MTOR: variants seen among roughly 807,000 people sequenced by gnomAD.
The protein encoded by MTOR is serine/threonine-protein kinase mTOR.
A neutral mutation model predicts 319.8 loss-of-function variants in MTOR; 70 were observed. That is an observed-to-expected ratio of 0.22 (90% CI 0.18 to 0.27). The LOEUF (loss-of-function observed/expected upper bound fraction) is 0.27. Among genes scored for constraint, MTOR ranks in the 10% least tolerant of loss-of-function variants. The pLI, the probability that MTOR is intolerant of heterozygous loss-of-function variation, is 1.00. For missense variants in MTOR, 1,890 were observed against 3,274.4 expected (o/e 0.58, Z 10.32); for synonymous variants, 1,183 against 1,211.4 (o/e 0.98, Z 0.49).
At chr1:11,217,570 T>TA (rs1377455660) in intron 19 of MTOR, among the ~76,000 whole-genome samples, 1 of 150,988 alleles carries the variant, frequency 6.6e-6, no homozygotes, top group African/African-American at 2.4e-5. Context: ...CCGGCTAATT[T>TA]TTTTTTTTTT....
chr1:11,170,809 C>T (rs2100624489), intron 28 of MTOR, among the ~76,000 whole-genome samples: 1 of 151,340 alleles, frequency 6.6e-6, no homozygotes, highest in South Asian at 2.1e-4. Flanking sequence ...GCCTCAGCCT[C>T]TGGAGTAGCT....
chr1:11,139,196 A>G lies in MTOR; in HGVS notation c.5130+108T>C. 3 of 1,403,312 alleles carry G rather than the reference A, an allele frequency of 2.1e-6. 1 individual carries two copies. In the South Asian group the frequency reaches 4.3e-5, roughly 20 times the overall value. 86.9% of individuals were successfully genotyped at this position (1,403,312 alleles called of 1,614,324 possible). A position where few individuals can be genotyped will look rare whatever the true frequency, so the allele number is the denominator to read the frequency against. ...GAAGAGACTCCCTGACATTGTGAGTAGGTGGTTTAAACACTGTTTCTTTTC... is the reference window on the plus strand; with the variant it reads ...GAAGAGACTCCCTGACATTGTGAGTGGGTGGTTTAAACACTGTTTCTTTTC... On this transcript the variant is annotated intron_variant, in intron 36 of 57. Transcript: ENST00000361445.
chr1:11,182,066 A>G (rs912386187), intron 28 of MTOR, among the ~76,000 whole-genome samples: 1 of 152,082 alleles, frequency 6.6e-6, no homozygotes, highest in Non-Finnish European at 1.5e-5. Context: ...AAAAATACAA[A>G]ATTAGCAAGG....
At chr1:11,185,227 G>A (rs1178429166) in intron 28 of MTOR, among the ~76,000 whole-genome samples, 3 of 151,252 alleles carry the variant, frequency 2.0e-5, no homozygotes, top group Non-Finnish European at 4.4e-5. Flanking sequence ...GAGCTATAAA[G>A]TCCTGACAGA....
intron 26 of MTOR, among the ~76,000 whole-genome samples, chr1:11,203,082 G>A (rs928396369): frequency 2.6e-5 from 4 of 151,642 alleles, no homozygotes; most frequent in East Asian, 3.9e-4. Flanking sequence ...GCGTGGTGGC[G>A]TGTGCCTGTA....
At chr1:11,220,305 A>T (rs1053177967) in intron 19 of MTOR, among the ~76,000 whole-genome samples, 1 of 152,184 alleles carries the variant, frequency 6.6e-6, no homozygotes, top group Non-Finnish European at 1.5e-5. Flanking sequence ...CAACGGCAAC[A>T]AAAAGAAGTC....
At chr1:11,114,781 T>G in intron 52 of MTOR, 32 bp downstream of exon 52, 3 of 1,603,868 alleles carry the variant, frequency 1.9e-6, no homozygotes, top group Non-Finnish European at 2.6e-6. Context: ...CTGATCCCAT[T>G]TGGAAGCAGC....
chr1:11,205,836 G>A (rs1434906031), intron 25 of MTOR, among the ~76,000 whole-genome samples: 4 of 152,178 alleles, frequency 2.6e-5, no homozygotes, highest in Non-Finnish European at 4.4e-5. Flanking sequence ...CTAAATGGGG[G>A]AAATCATGTA....
chr1:11,234,021 C>T (rs760191523), intron 14 of MTOR, 122 bp downstream of exon 14: 84 of 1,421,618 alleles, frequency 5.9e-5, no homozygotes, highest in Non-Finnish European at 7.7e-5. Context: ...GGTCTCCAAG[C>T]GTGAGAGCAA....
chr1:11,164,334 G>GAAAAA (rs547043272), intron 29 of MTOR, among the ~76,000 whole-genome samples: 2 of 60,164 alleles, frequency 3.3e-5, no homozygotes, highest in Admixed American at 2.0e-4. Flanking sequence ...GACTCTGCCT[G>GAAAAA]AAAAAAAAAA....
intron 34 of MTOR, among the ~76,000 whole-genome samples, chr1:11,143,685 C>T (rs1033741885): frequency 5.9e-5 from 9 of 152,108 alleles, no homozygotes; most frequent in Admixed American, 2.0e-4. Flanking sequence ...AAGGTTTTGT[C>T]GCAGCCTACT....
chr1:11,172,237 T>C (rs1644838031), intron 28 of MTOR, among the ~76,000 whole-genome samples: 1 of 152,096 alleles, frequency 6.6e-6, no homozygotes. Context: ...AAGCTCTTAT[T>C]GAGCAGTAAG....
chr1:11,211,569 A>G (rs961560796), intron 23 of MTOR, among the ~76,000 whole-genome samples: 2 of 152,026 alleles, frequency 1.3e-5, no homozygotes, highest in African/African-American at 4.8e-5. Context: ...GGGTCTTGCT[A>G]TGTCTGGAGT....
chr1:11,167,631 T>A, intron 28 of MTOR, 114 bp from the exon 29 acceptor site: 1 of 767,186 alleles, frequency 1.3e-6, no homozygotes, highest in Non-Finnish European at 2.3e-6. Flanking sequence ...GTCTTGCAGA[T>A]GCTGAAAGAG....
chr1:11,213,785 T>C (rs1353157405), intron 20 of MTOR, among the ~76,000 whole-genome samples: 1 of 152,170 alleles, frequency 6.6e-6, no homozygotes, highest in African/African-American at 2.4e-5. Context: ...CCAGGCTACC[T>C]CAGTCCTCTG....
At chr1:11,193,470 T>A in intron 28 of MTOR, 6 of 936,406 alleles carry the variant, frequency 6.4e-6, no homozygotes, top group Non-Finnish European at 9.4e-6. Context: ...ACTGCGGGAG[T>A]GCACACATCT....
rs1465227849 is a variant in MTOR at position 11,199,478 on chromosome 1, T to C, written c.4107+63A>G. 3 of 1,613,442 alleles carry C rather than the reference T, an allele frequency of 1.9e-6. No homozygotes were observed. The highest frequency in any genetic ancestry group is 2.7e-5 in the African/African-American group (2 of 74,898). ...AAACAAGAGAAGGCTGTGTGGATGC[T>C]TCTCTCCTCCCACCAGCTGGTTCCC... On this transcript the variant is annotated intron_variant, in intron 27 of 57. Transcript: ENST00000361445. This position sits in a 1 kb window ranked among gnomAD's most constrained non-coding sequence, Gnocchi z 4.5.
rs186261492 is a variant in MTOR at position 11,106,870 on chromosome 1, G to A, written c.*615C>T. 2.9e-4 allele frequency: 396 copies of A among 1,344,108 alleles called. 1 individual carries two copies. The East Asian group carries it at 5.4e-3, about 18-fold the overall frequency. 83.3% of individuals were successfully genotyped at this position (1,344,108 alleles called of 1,614,324 possible). The stretch of plus-strand genomic sequence containing the variant: ...GATCTGAATAAACCTCCCTACTAGC[G>A]GTCAGGTCTTGAATTGAAGCGTGTG... On this transcript the variant is annotated 3_prime_UTR_variant, in exon 58 of 58. Coordinates refer to ENST00000361445, the MANE Select transcript of MTOR (RefSeq NM_004958.4).
In MTOR at chr1:11,247,854, A is replaced by T. The variant is rs778914291; in HGVS notation, c.1081T>A (p.Cys361Ser). Residue 361 changes from cysteine (C) to serine (S), a missense_variant, in exon 7 of 58, where the codon TGT becomes AGT. Cys to Ser is a moderately radical substitution (Grantham distance 112). Transcript: ENST00000361445. ...PAKSTLVESRCCRDLMEEKFD... is the reference protein window; with the variant it reads ...PAKSTLVESRSCRDLMEEKFD... ...TTCTCCTCCATCAAGTCTCTGCAAC[A>T]CCGGCTCTCCACCAGGGTGGACTTA... 1.1e-4 allele frequency: 182 copies of T among 1,613,856 alleles called. 1 individual carries two copies. The highest frequency in any genetic ancestry group is 1.5e-4 in the Non-Finnish European group (177 of 1,179,916).
Sources: allele counts gnomAD v4.1 joint callset (sites outside exome capture counted in the v4.1 genomes callset), GRCh38; gene constraint gnomAD v4.1.1; non-coding constraint Gnocchi (gnomAD v3.1); transcripts MANE v1.5; gene names NCBI Gene and HGNC (gene_info 2026-07-23, HGNC 2026-07-21).